The following MARCHF1 variants were observed in gnomAD, a reference collection of about 807,000 sequenced individuals.
The protein encoded by MARCHF1 is membrane associated ring-CH-type finger 1, also known as E3 ubiquitin-protein ligase MARCHF1.
In MARCHF1, 40 loss-of-function variants were observed where a neutral mutation model predicts 54.2. The ratio of observed to expected loss-of-function variants is 0.74; its 90% CI spans 0.57 to 0.96. The LOEUF (loss-of-function observed/expected upper bound fraction) is 0.96, where lower values mean the gene tolerates loss of function less well. MARCHF1 is among the 40% of genes least tolerant of loss of function. The pLI is 0.00. For missense variants in MARCHF1, 586 were observed against 656.5 expected (o/e 0.89, Z 1.17); for synonymous variants, 236 against 236.3 (o/e 1.00, Z 0.01).
intron 3 of MARCHF1, among the ~76,000 whole-genome samples, chr4:163,939,740 C>T (rs1309571209): frequency 2.6e-5 from 4 of 152,160 alleles, no homozygotes; most frequent in Non-Finnish European, 5.9e-5. Flanking sequence ...CCTTTTGACA[C>T]TGCTTTTCAG....
At chr4:163,768,961 G>A (rs578030487) in intron 4 of MARCHF1, among the ~76,000 whole-genome samples, 13 of 152,158 alleles carry the variant, frequency 8.5e-5, no homozygotes, top group African/African-American at 2.2e-4. Context: ...CAATAATGCC[G>A]AAAATATTTA....
At chr4:164,331,614 T>TA (rs1190275348) in intron 1 of MARCHF1, among the ~76,000 whole-genome samples, 2 of 152,214 alleles carry the variant, frequency 1.3e-5, no homozygotes, top group African/African-American at 4.8e-5. Context: ...TTTTATAAAA[T>TA]ATTTATAAGA....
chr4:164,216,496 C>T (rs1560958147), intron 1 of MARCHF1, among the ~76,000 whole-genome samples: 1 of 151,998 alleles, frequency 6.6e-6, no homozygotes, highest in Non-Finnish European at 1.5e-5. Context: ...CAAGGAATAG[C>T]AGTAGATTGA....
At chr4:164,090,920 T>C (rs1031378443) in intron 2 of MARCHF1, among the ~76,000 whole-genome samples, 1 of 152,184 alleles carries the variant, frequency 6.6e-6, no homozygotes, top group East Asian at 1.9e-4. Context: ...TGAAGGCTGT[T>C]GTCTCCAGGA....
At chr4:164,045,415 G>A (rs1408554076) in intron 2 of MARCHF1, among the ~76,000 whole-genome samples, 1 of 151,942 alleles carries the variant, frequency 6.6e-6, no homozygotes, top group Non-Finnish European at 1.5e-5. Flanking sequence ...GGGAGGCTGA[G>A]GCAGGAGAAT....
intron 1 of MARCHF1, among the ~76,000 whole-genome samples, chr4:164,229,557 T>C (rs1732355663): frequency 1.3e-5 from 2 of 152,200 alleles, no homozygotes; most frequent in Admixed American, 1.3e-4. Context: ...TTATGGCCAC[T>C]GCAGGTGAGT....
chr4:163,645,354 G>T (rs770306611), intron 5 of MARCHF1, among the ~76,000 whole-genome samples: 87 of 152,102 alleles, frequency 5.7e-4, no homozygotes, highest in Admixed American at 2.6e-4. Flanking sequence ...CATCACACCT[G>T]GAACCTAATA....
chr4:164,351,153 A>C (rs1375799951), intron 1 of MARCHF1, among the ~76,000 whole-genome samples: 1 of 151,658 alleles, frequency 6.6e-6, no homozygotes, highest in African/African-American at 2.4e-5. Flanking sequence ...GCAGCCTGAG[A>C]TCAAACTGCA....
intron 4 of MARCHF1, among the ~76,000 whole-genome samples, chr4:163,716,877 T>C (rs1275095631): frequency 3.3e-5 from 5 of 152,254 alleles, no homozygotes; most frequent in Admixed American, 2.0e-4. Flanking sequence ...TTCTTGTTAA[T>C]TGTTACATAA....
intron 4 of MARCHF1, among the ~76,000 whole-genome samples, chr4:163,733,221 ACACGT>A: frequency 4.8e-5 from 1 of 21,030 alleles, no homozygotes; most frequent in African/African-American, 9.9e-5. Flanking sequence ...ATATATATAT[ACACGT>A]GTATATATAT....
intron 5 of MARCHF1, among the ~76,000 whole-genome samples, chr4:163,660,731 G>A (rs1743319078): frequency 6.6e-6 from 1 of 151,936 alleles, no homozygotes; most frequent in Admixed American, 6.6e-5. Flanking sequence ...CTTAATCACA[G>A]ACGGATATTA....
chr4:163,732,774 T>C (rs1032437085), intron 4 of MARCHF1, among the ~76,000 whole-genome samples: 1 of 152,084 alleles, frequency 6.6e-6, no homozygotes, highest in African/African-American at 2.4e-5. Context: ...AGTAAAAATG[T>C]CTTTTAAATA....
intron 1 of MARCHF1, among the ~76,000 whole-genome samples, chr4:164,380,125 T>C (rs558751368): frequency 6.6e-6 from 1 of 152,310 alleles, no homozygotes; most frequent in African/African-American, 2.4e-5. Flanking sequence ...TTCATAATTT[T>C]TATGAATAAA....
In MARCHF1 at chr4:163,687,750, T is replaced by C. The variant is rs373373919; in HGVS notation, c.162+13063A>G. 2.3e-3 allele frequency among the ~76,000 whole-genome samples: 344 copies of C among 152,324 alleles called. 1 individual carries two copies. Among genetic ancestry groups the C allele is most frequent in the African/African-American group, 7.9e-3 (330 of 41,566 alleles). The stretch of plus-strand genomic sequence containing the variant: ...AAGGATGCCTTCTTATAACTTTCCC[T>C]TTCTTATTTCAGTAGAAAGACAATA... On this transcript the variant is annotated intron_variant, in intron 5 of 9. Coordinates refer to ENST00000514618, the MANE Select transcript of MARCHF1 (RefSeq NM_001394959.1).
In MARCHF1 at chr4:164,261,167, G is replaced by A. The variant is rs560662009; in HGVS notation, c.-323+122703C>T. On this transcript the variant is annotated intron_variant, in intron 1 of 9. Coordinates refer to ENST00000514618, the MANE Select transcript of MARCHF1 (RefSeq NM_001394959.1). Reference sequence around the variant, plus strand: ...AGTTCCTTCCTTAGCACCTTCTCAGGCAGCCCAGCCCTACCAGCTTCTTGA... The same window carrying A: ...AGTTCCTTCCTTAGCACCTTCTCAGACAGCCCAGCCCTACCAGCTTCTTGA... 8.5e-5 allele frequency among the ~76,000 whole-genome samples: 13 copies of A among 152,264 alleles called. No individual in the cohort carries two copies. In the South Asian group the frequency reaches 2.1e-3, roughly 24 times the overall value.
At chr4:164,077,617 T>C (rs895426850) in intron 2 of MARCHF1, among the ~76,000 whole-genome samples, 3 of 152,130 alleles carry the variant, frequency 2.0e-5, no homozygotes, top group Non-Finnish European at 2.9e-5. Flanking sequence ...GAGAAAATTT[T>C]TGCAATCTAT....
At chr4:163,915,174 G>A (rs561149363) in intron 3 of MARCHF1, among the ~76,000 whole-genome samples, 148 of 152,192 alleles carry the variant, frequency 9.7e-4, no homozygotes, top group Middle Eastern at 3.4e-3. Flanking sequence ...AATGAGTGGA[G>A]AAAGACAAAG....
intron 3 of MARCHF1, among the ~76,000 whole-genome samples, chr4:163,875,229 T>A (rs1388990095): frequency 3.3e-5 from 5 of 152,030 alleles, no homozygotes; most frequent in Non-Finnish European, 5.9e-5. Context: ...AAAAAAAAAA[T>A]TCCCCAATTT....
intron 5 of MARCHF1, among the ~76,000 whole-genome samples, chr4:163,678,574 A>G (rs373471140): frequency 2.0e-5 from 3 of 152,186 alleles, no homozygotes; most frequent in South Asian, 2.1e-4. Flanking sequence ...AACATTCAGT[A>G]TATCTCCTCT....
Sources: allele counts gnomAD v4.1 joint callset (sites outside exome capture counted in the v4.1 genomes callset), GRCh38; gene constraint gnomAD v4.1.1; transcripts MANE v1.5; gene names NCBI Gene and HGNC (gene_info 2026-07-23, HGNC 2026-07-21).